The following ELK3 variants were observed in gnomAD, a reference collection of about 807,000 sequenced individuals.
The protein encoded by ELK3 is ETS transcription factor ELK3.
A neutral mutation model predicts 28.9 loss-of-function variants in ELK3; 10 were observed. That is an observed-to-expected ratio of 0.35 (90% CI 0.21 to 0.59). The LOEUF is 0.59. Ranked by LOEUF, ELK3 falls within the 20% of genes least tolerant of loss-of-function variation. ELK3 has a pLI of 0.82. For synonymous variants in ELK3, 272 were observed against 243.5 expected (o/e 1.12, Z -1.09); for missense variants, 463 against 517.3 (o/e 0.90, Z 1.02).
intron 1 of ELK3, among the ~76,000 whole-genome samples, chr12:96,199,858 T>C (rs1220611753): frequency 6.6e-6 from 1 of 152,186 alleles, no homozygotes; most frequent in East Asian, 1.9e-4. Context: ...TAAAGAAATT[T>C]AGACAATGTT....
chr12:96,198,777 CAT>C (rs907846181), intron 1 of ELK3, among the ~76,000 whole-genome samples: 5 of 152,146 alleles, frequency 3.3e-5, no homozygotes, highest in Non-Finnish European at 5.9e-5. Context: ...TAAAAAAATG[CAT>C]ATGTGTGTCT....
chr12:96,232,592 T>A (rs541956066), intron 2 of ELK3, among the ~76,000 whole-genome samples: 27 of 114,412 alleles, frequency 2.4e-4, no homozygotes, highest in Non-Finnish European at 3.9e-4. Context: ...TAAATAAAAA[T>A]ACATTAAAAA....
intron 2 of ELK3, among the ~76,000 whole-genome samples, chr12:96,240,037 G>A (rs1951809903): frequency 6.6e-6 from 1 of 152,264 alleles, no homozygotes; most frequent in Non-Finnish European, 1.5e-5. Context: ...ATTGGATTGT[G>A]TAAGGTTTTC....
At chr12:96,215,667 G>C (rs571820448) in intron 1 of ELK3, among the ~76,000 whole-genome samples, 1 of 135,004 alleles carries the variant, frequency 7.4e-6, no homozygotes, top group Non-Finnish European at 1.5e-5. Context: ...AGATGGTCTC[G>C]CTCTGTCACC....
intron 1 of ELK3, among the ~76,000 whole-genome samples, chr12:96,215,355 G>C (rs1480762344): frequency 4.6e-5 from 7 of 152,132 alleles, no homozygotes; most frequent in African/African-American, 1.7e-4. Context: ...ACATTAAGAC[G>C]TCGGGCGCCA....
At chr12:96,224,131 G>C (rs1951682723) in intron 2 of ELK3, among the ~76,000 whole-genome samples, 1 of 152,190 alleles carries the variant, frequency 6.6e-6, no homozygotes, top group South Asian at 2.1e-4. Context: ...ATCCTGTCTG[G>C]TTTGTGGTTC....
chr12:96,221,494 G>A (rs1951661576), intron 1 of ELK3, among the ~76,000 whole-genome samples: 1 of 152,204 alleles, frequency 6.6e-6, no homozygotes, highest in South Asian at 2.1e-4. Context: ...TCTGCCCTCA[G>A]GAGCAGATTC....
chr12:96,219,324 C>T (rs965603110), intron 1 of ELK3, among the ~76,000 whole-genome samples: 14 of 151,712 alleles, frequency 9.2e-5, no homozygotes, highest in African/African-American at 2.7e-4. Context: ...ATTTTTTTTC[C>T]GGTGAGAGAG....
In ELK3 at chr12:96,267,426, T is replaced by C. The variant is rs755611515; in HGVS notation, c.*246T>C. The C allele has an allele frequency of 1.9e-4, 70 of 365,940 alleles. No homozygotes were observed. Among genetic ancestry groups the C allele is most frequent in the Non-Finnish European group, 3.3e-4 (66 of 197,494 alleles). 22.7% of individuals were successfully genotyped at this position (365,940 alleles called of 1,614,324 possible). A position where few individuals can be genotyped will look rare whatever the true frequency, so the allele number is the denominator to read the frequency against. On this transcript the variant is annotated 3_prime_UTR_variant, in exon 5 of 5. Transcript: ENST00000228741. ...GTTTTTGTTTTTATATCCTTTTAGC[T>C]CTTAAGTGTTGAACACTGTTGACAG... is the stretch of plus-strand genomic sequence containing the variant.
chr12:96,267,054 T>G, intron 4 of ELK3, 28 bp from the exon 5 acceptor site: 1 of 1,589,508 alleles, frequency 6.3e-7, no homozygotes, highest in Non-Finnish European at 8.6e-7. Flanking sequence ...TTGCAATAAT[T>G]ATTGTAAAAA....
chr12:96,214,998 T>C (rs1002646939), intron 1 of ELK3, among the ~76,000 whole-genome samples: 2 of 152,188 alleles, frequency 1.3e-5, no homozygotes, highest in African/African-American at 4.8e-5. Context: ...TTCATTTCTC[T>C]AACCATGCAA....
intron 1 of ELK3, among the ~76,000 whole-genome samples, chr12:96,201,063 C>T (rs1041059816): frequency 5.3e-5 from 8 of 152,144 alleles, no homozygotes; most frequent in African/African-American, 1.9e-4. Context: ...CATATAGATT[C>T]TTAAACTTCA....
At chr12:96,245,001 G>T (rs567734853) in intron 2 of ELK3, among the ~76,000 whole-genome samples, 4 of 152,276 alleles carry the variant, frequency 2.6e-5, no homozygotes, top group African/African-American at 7.2e-5. Context: ...TAAGTTGCAG[G>T]TGGGAGCTCC....
At chr12:96,201,126 TAAATC>T (rs1400234642) in intron 1 of ELK3, among the ~76,000 whole-genome samples, 1 of 152,180 alleles carries the variant, frequency 6.6e-6, no homozygotes, top group African/African-American at 2.4e-5. Context: ...TAGTTAAAAA[TAAATC>T]AGAATGTGTA....
chr12:96,196,626 A>G (rs939845307), intron 1 of ELK3, among the ~76,000 whole-genome samples: 28 of 152,222 alleles, frequency 1.8e-4, no homozygotes, highest in African/African-American at 6.7e-4. Flanking sequence ...GCAGTTAAGG[A>G]GACTGTCCAT....
At chr12:96,224,093 T>A (rs1356767666) in intron 2 of ELK3, 3 of 289,004 alleles carry the variant, frequency 1.0e-5, no homozygotes, top group Non-Finnish European at 2.0e-5. Context: ...AATGACACAA[T>A]GCGTGTTAAA....
intron 2 of ELK3, among the ~76,000 whole-genome samples, chr12:96,226,210 A>G (rs1026914006): frequency 3.9e-5 from 6 of 152,130 alleles, no homozygotes; most frequent in African/African-American, 1.4e-4. Context: ...GGTAGAGCCC[A>G]AGGTCAGGAG....
At chr12:96,228,791 G>A (rs568976264) in intron 2 of ELK3, among the ~76,000 whole-genome samples, 57 of 152,292 alleles carry the variant, frequency 3.7e-4, no homozygotes, top group African/African-American at 1.3e-3. Context: ...CAGAGCCCTC[G>A]AGGTTAAGAG....
intron 1 of ELK3, among the ~76,000 whole-genome samples, chr12:96,213,328 T>A: frequency 6.6e-6 from 1 of 152,116 alleles, no homozygotes; most frequent in East Asian, 1.9e-4. Flanking sequence ...ACAAACTCTA[T>A]CCCAGGAATC....
Sources: allele counts gnomAD v4.1 joint callset (sites outside exome capture counted in the v4.1 genomes callset), GRCh38; gene constraint gnomAD v4.1.1; transcripts MANE v1.5; gene names NCBI Gene and HGNC (gene_info 2026-07-23, HGNC 2026-07-21).